The following ATP8A2 variants were observed in gnomAD, a reference collection of about 807,000 sequenced individuals.
The protein encoded by ATP8A2 is phospholipid-transporting ATPase IB.
ATP8A2 carries 100 observed loss-of-function variants against 165.6 expected under a neutral mutation model. The observed-to-expected ratio is 0.60, with a 90% CI of 0.51 to 0.71. The LOEUF (loss-of-function observed/expected upper bound fraction) is 0.71. ATP8A2 is among the 30% of genes least tolerant of loss of function. The pLI is 0.00. For missense variants in ATP8A2, 1,227 were observed against 1,479.5 expected (o/e 0.83, Z 2.80); for synonymous variants, 543 against 548.8 (o/e 0.99, Z 0.15).
chr13:25,572,820 CA>C (rs1281121230), intron 18 of ATP8A2, among the ~76,000 whole-genome samples: 1 of 152,178 alleles, frequency 6.6e-6, no homozygotes, highest in African/African-American at 2.4e-5. Context: ...ACCTTTAATG[CA>C]TTTGAAATTC....
At chr13:25,659,602 C>G (rs1407972068) in intron 24 of ATP8A2, among the ~76,000 whole-genome samples, 10 of 152,130 alleles carry the variant, frequency 6.6e-5, no homozygotes. Flanking sequence ...AAATCCAGTT[C>G]GGTAGGCTTT....
intron 24 of ATP8A2, among the ~76,000 whole-genome samples, chr13:25,651,139 T>C (rs1044574655): frequency 6.6e-6 from 1 of 152,168 alleles, no homozygotes; most frequent in African/African-American, 2.4e-5. Flanking sequence ...TAAGTCAACT[T>C]CTTTAATTAT....
intron 27 of ATP8A2, among the ~76,000 whole-genome samples, chr13:25,799,518 A>G (rs217905): frequency 0.99 from 150,492 of 152,324 alleles, 74,362 homozygotes; most frequent in East Asian, 1. Flanking sequence ...CAGACACGGA[A>G]TCATTGCCAT....
intron 27 of ATP8A2, among the ~76,000 whole-genome samples, chr13:25,793,097 C>T (rs368283876): frequency 7.9e-5 from 12 of 151,740 alleles, no homozygotes; most frequent in African/African-American, 2.2e-4. Context: ...GGTACCTTTT[C>T]CCACACTGAC....
At chr13:25,631,042 G>A (rs910065893) in intron 24 of ATP8A2, among the ~76,000 whole-genome samples, 13 of 152,158 alleles carry the variant, frequency 8.5e-5, no homozygotes, top group African/African-American at 1.2e-4. Context: ...TGCATCTTGA[G>A]TTGTTGACTG....
At chr13:25,413,875 T>A (rs2034051503) in intron 1 of ATP8A2, among the ~76,000 whole-genome samples, 1 of 152,206 alleles carries the variant, frequency 6.6e-6, no homozygotes, top group Non-Finnish European at 1.5e-5. Flanking sequence ...CCTGTTTTTT[T>A]ATTTCTTTGA....
intron 1 of ATP8A2, among the ~76,000 whole-genome samples, chr13:25,381,745 C>T (rs1211924845): frequency 6.7e-6 from 1 of 150,232 alleles, no homozygotes; most frequent in Non-Finnish European, 1.5e-5. Flanking sequence ...GAGATCTTGG[C>T]CTTCTACGCG....
intron 24 of ATP8A2, among the ~76,000 whole-genome samples, chr13:25,621,214 T>C (rs1254356419): frequency 6.6e-6 from 1 of 152,198 alleles, no homozygotes. Flanking sequence ...GTTTACTTAG[T>C]AACTAGGAAA....
intron 25 of ATP8A2, among the ~76,000 whole-genome samples, chr13:25,762,594 C>G (rs942762484): frequency 2.0e-5 from 3 of 152,120 alleles, no homozygotes; most frequent in East Asian, 1.9e-4. Context: ...TTAAATAGAA[C>G]TGTATTTTTT....
intron 2 of ATP8A2, among the ~76,000 whole-genome samples, chr13:25,493,353 A>G (rs2036581525): frequency 1.3e-5 from 2 of 151,688 alleles, no homozygotes; most frequent in African/African-American, 4.8e-5. Flanking sequence ...TTTGTTTTTA[A>G]TTTTTTGAAG....
intron 2 of ATP8A2, among the ~76,000 whole-genome samples, chr13:25,517,573 T>G (rs1460974546): frequency 6.6e-6 from 1 of 152,224 alleles, no homozygotes; most frequent in Non-Finnish European, 1.5e-5. Flanking sequence ...GAACTTACCT[T>G]CAAAGGTGTA....
At chr13:25,571,721 A>G in intron 18 of ATP8A2, 29 bp downstream of exon 18, 3 of 1,558,130 alleles carry the variant, frequency 1.9e-6, no homozygotes, top group Non-Finnish European at 2.7e-6. Context: ...CACATTTCAG[A>G]TCACCTGCTT....
intron 18 of ATP8A2, among the ~76,000 whole-genome samples, chr13:25,572,296 G>A (rs760949257): frequency 1.3e-5 from 2 of 152,238 alleles, no homozygotes; most frequent in South Asian, 2.1e-4. Flanking sequence ...GTGCCACCAC[G>A]CCTGACTAAT....
At chr13:25,398,312 G>A (rs938913540) in intron 1 of ATP8A2, among the ~76,000 whole-genome samples, 3 of 152,154 alleles carry the variant, frequency 2.0e-5, no homozygotes, top group Non-Finnish European at 4.4e-5. Flanking sequence ...GTCAGTCTTT[G>A]GATCTCTACT....
intron 2 of ATP8A2, among the ~76,000 whole-genome samples, chr13:25,528,766 A>ATGTGTATGCACACATATGCAACG (rs1566224613): frequency 1.1e-4 from 9 of 81,692 alleles, no homozygotes; most frequent in African/African-American, 3.2e-4. Flanking sequence ...CATATGCAAC[A>ATGTGTATGCACACATATGCAACG]TGTGTATGCA....
chr13:25,435,704 T>C (rs17082296), intron 1 of ATP8A2, among the ~76,000 whole-genome samples: 2,072 of 152,214 alleles, frequency 0.014, 50 homozygotes, highest in African/African-American at 0.047. Context: ...GTGGTTTTTT[T>C]CTCCACTGAG....
chr13:25,870,991 T>A (rs1346851714), intron 33 of ATP8A2, among the ~76,000 whole-genome samples: 1 of 152,136 alleles, frequency 6.6e-6, no homozygotes, highest in Non-Finnish European at 1.5e-5. Flanking sequence ...ATTTTTTTAG[T>A]CCTTGTCCTC....
intron 33 of ATP8A2, among the ~76,000 whole-genome samples, chr13:25,936,106 T>C (rs1954881310): frequency 6.6e-6 from 1 of 152,348 alleles, no homozygotes; most frequent in East Asian, 1.9e-4. Context: ...TCTGAATTCC[T>C]GCTGTCACTC....
chr13:25,745,098 G>A (rs989028159), intron 25 of ATP8A2, among the ~76,000 whole-genome samples: 3 of 152,110 alleles, frequency 2.0e-5, no homozygotes. Flanking sequence ...CTGCCACCAC[G>A]CCCAGCTAAT....
Sources: gnomAD v4.1 joint callset for allele counts (sites outside exome capture counted in the v4.1 genomes callset) on GRCh38, gnomAD v4.1.1 for gene constraint, MANE v1.5 for transcripts, NCBI Gene and HGNC (gene_info 2026-07-23, HGNC 2026-07-21) for gene names.